The following SAMD3 variants were observed in gnomAD, a reference collection of about 807,000 sequenced individuals.
SAMD3 encodes the protein sterile alpha motif domain containing 3, also known as sterile alpha motif domain-containing protein 3.
SAMD3 carries 63 observed loss-of-function variants against 58.5 expected under a neutral mutation model. The ratio of observed to expected loss-of-function variants is 1.08; its 90% CI spans 0.88 to 1.33. The LOEUF is 1.33. Among genes scored for constraint, SAMD3 ranks in the 40% most tolerant of loss-of-function variants. The pLI is 0.00. For missense variants in SAMD3, 604 were observed against 608.4 expected (o/e 0.99, Z 0.08); for synonymous variants, 220 against 210.3 (o/e 1.05, Z -0.40).
At chr6:130,269,066 C>T (rs931143216) in intron 2 of SAMD3, among the ~76,000 whole-genome samples, 5 of 152,194 alleles carry the variant, frequency 3.3e-5, no homozygotes, top group African/African-American at 1.2e-4. Flanking sequence ...TACTCCTTTT[C>T]TTATTCTTAA....
rs536147966 is a variant in SAMD3 at position 130,284,872 on chromosome 6, T to A, written c.-188+28106A>T. Among the ~76,000 whole-genome samples, 23 of 152,318 alleles carry A rather than the reference T, an allele frequency of 1.5e-4. No homozygotes were observed. In the South Asian group the frequency reaches 4.1e-3, roughly 27 times the overall value. On this transcript the variant is annotated intron_variant, in intron 2 of 13. Transcript: ENST00000368134. ...AACAACATATATAGAGAACATTTTA[T>A]ACAATAAGAAGGAGAAATAGGTAAA...
chr6:130,213,254 T>C (rs1795722595), intron 4 of SAMD3, among the ~76,000 whole-genome samples: 1 of 151,880 alleles, frequency 6.6e-6, no homozygotes, highest in Non-Finnish European at 1.5e-5. Context: ...GCTATGATCC[T>C]GCCACAGCAC....
intron 2 of SAMD3, among the ~76,000 whole-genome samples, chr6:130,236,761 T>C (rs2114887460): frequency 1.3e-5 from 2 of 152,382 alleles, no homozygotes; most frequent in South Asian, 4.1e-4. Context: ...TTTCATTAGA[T>C]GAAAATATTG....
intron 1 of SAMD3, among the ~76,000 whole-genome samples, chr6:130,354,771 C>A (rs768913726): frequency 6.6e-6 from 1 of 152,128 alleles, no homozygotes; most frequent in Non-Finnish European, 1.5e-5. Flanking sequence ...ACCTATATAA[C>A]AAACCTGCAC....
At chr6:130,263,215 G>A (rs11154543) in intron 2 of SAMD3, among the ~76,000 whole-genome samples, 47,628 of 151,904 alleles carry the variant, frequency 0.31, 7,854 homozygotes, top group East Asian at 0.47. Context: ...AAAGCACTAA[G>A]GACTATAAAG....
chr6:130,293,815 C>G (rs1016598430), intron 2 of SAMD3, among the ~76,000 whole-genome samples: 2 of 151,792 alleles, frequency 1.3e-5, no homozygotes, highest in African/African-American at 2.4e-5. Flanking sequence ...CTACCAAAGA[C>G]TTCATAGTTT....
intron 5 of SAMD3, among the ~76,000 whole-genome samples, chr6:130,198,464 C>T (rs539417304): frequency 8.5e-5 from 13 of 152,296 alleles, no homozygotes; most frequent in African/African-American, 3.1e-4. Context: ...CTGCCTTGGC[C>T]TCCCAAAGTG....
At chr6:130,199,209 A>G (rs1794418426) in intron 5 of SAMD3, among the ~76,000 whole-genome samples, 1 of 152,220 alleles carries the variant, frequency 6.6e-6, no homozygotes, top group Admixed American at 6.5e-5. Flanking sequence ...AGCAGTGACA[A>G]CTATGCTGCT....
At chr6:130,253,286 G>A (rs1032241425) in intron 2 of SAMD3, among the ~76,000 whole-genome samples, 1 of 152,158 alleles carries the variant, frequency 6.6e-6, no homozygotes, top group South Asian at 2.1e-4. Context: ...GGCTTCTCTC[G>A]GAGGCAGAAA....
intron 1 of SAMD3, among the ~76,000 whole-genome samples, chr6:130,349,383 A>T (rs1390743202): frequency 6.6e-6 from 1 of 152,252 alleles, no homozygotes; most frequent in East Asian, 1.9e-4. Flanking sequence ...ACAATAAAAA[A>T]TGATAAAGGG....
intron 7 of SAMD3, chr6:130,183,344 A>G: frequency 4.4e-6 from 2 of 450,810 alleles, no homozygotes; most frequent in Non-Finnish European, 8.9e-6. Flanking sequence ...CTCAAAAAAA[A>G]AAAAAGGAAA....
chr6:130,254,376 G>A (rs12216539), intron 2 of SAMD3, among the ~76,000 whole-genome samples: 63,048 of 151,524 alleles, frequency 0.42, 14,213 homozygotes, highest in African/African-American at 0.58. Flanking sequence ...TTGTATGTTT[G>A]ATAGAGACAG....
In SAMD3 at chr6:130,176,871, A is replaced by C. The variant is rs1791776710; in HGVS notation, c.655-863T>G. 2.0e-5 allele frequency among the ~76,000 whole-genome samples: 3 copies of C among 152,208 alleles called. No individual in the cohort carries two copies. The South Asian group carries it at 6.2e-4, about 32-fold the overall frequency. On this transcript the variant is annotated intron_variant, in intron 7 of 11. Coordinates refer to ENST00000439090, the MANE Select transcript of SAMD3 (RefSeq NM_001017373.4). ...CAAGAGTTGCGCGAGGCTGGAGCAC[A>C]GAGCTCAAGATGAGGGAATGACAGA...
intron 7 of SAMD3, among the ~76,000 whole-genome samples, chr6:130,181,666 G>A (rs182822317): frequency 6.6e-6 from 1 of 152,248 alleles, no homozygotes; most frequent in East Asian, 1.9e-4. Flanking sequence ...ATATGGATTT[G>A]CTTAGGTATA....
chr6:130,190,456 C>T (rs1793437646), intron 5 of SAMD3, among the ~76,000 whole-genome samples: 2 of 151,584 alleles, frequency 1.3e-5, no homozygotes, highest in South Asian at 4.2e-4. Flanking sequence ...GCATATAGGC[C>T]AGAATGACTG....
At chr6:130,193,370 C>G (rs1793742095) in intron 5 of SAMD3, among the ~76,000 whole-genome samples, 1 of 152,062 alleles carries the variant, frequency 6.6e-6, no homozygotes, top group African/African-American at 2.4e-5. Flanking sequence ...GCCCTGACCT[C>G]TTACATCTCT....
intron 2 of SAMD3, among the ~76,000 whole-genome samples, chr6:130,285,880 G>T (rs1304171164): frequency 2.0e-5 from 3 of 152,146 alleles, no homozygotes; most frequent in Non-Finnish European, 4.4e-5. Context: ...TACATTTAAA[G>T]CCATAAGAGA....
intron 8 of SAMD3, chr6:130,160,424 C>G (rs962775883): frequency 3.9e-5 from 6 of 151,980 alleles, no homozygotes; most frequent in African/African-American, 1.4e-4. Context: ...TAAAAACAAG[C>G]AAAACTAGAA....
upstream of SAMD3, among the ~76,000 whole-genome samples, chr6:130,224,889 A>G (rs949697199): frequency 3.5e-4 from 53 of 152,176 alleles, no homozygotes; most frequent in Non-Finnish European, 1.0e-4. Flanking sequence ...AAGTGCTGAG[A>G]TTACAGGCAT....
Sources: allele counts gnomAD v4.1 joint callset (sites outside exome capture counted in the v4.1 genomes callset), GRCh38; gene constraint gnomAD v4.1.1; transcripts MANE v1.5; gene names NCBI Gene and HGNC (gene_info 2026-07-23, HGNC 2026-07-21).